The following UTRN variants were observed in gnomAD, a reference collection of about 807,000 sequenced individuals.
UTRN encodes dystrophin-related protein 1.
Under a neutral mutation model 463.9 loss-of-function variants are expected in UTRN, and 283 were observed. The observed-to-expected ratio is 0.61, with a 90% confidence interval of 0.55 to 0.67. UTRN has a LOEUF of 0.67. Ranked by LOEUF, UTRN falls within the 30% of genes least tolerant of loss-of-function variation. UTRN has a pLI of 0.00. For missense variants in UTRN, 3,922 were observed against 4,084.3 expected (o/e 0.96, Z 1.08); for synonymous variants, 1,442 against 1,431.5 (o/e 1.01, Z -0.17).
intron 74 of UTRN, 93 bp downstream of exon 74, chr6:144,846,920 C>A (rs548897131): frequency 2.5e-5 from 38 of 1,507,944 alleles, no homozygotes; most frequent in Non-Finnish European, 3.4e-5. Flanking sequence ...ACTTTATTCT[C>A]CATGTAAATA....
At chr6:144,617,279 G>T (rs1279498527) in intron 51 of UTRN, among the ~76,000 whole-genome samples, 1 of 152,136 alleles carries the variant, frequency 6.6e-6, no homozygotes, top group Non-Finnish European at 1.5e-5. Context: ...CAAATGATAT[G>T]TTTAGAAACA....
In UTRN at chr6:144,482,369, G is replaced by T; in HGVS notation, c.3668G>T (p.Gly1223Val). The change falls in exon 27 of 75, where the codon GGA (glycine) becomes GTA (valine). Residue 1223 changes from glycine to valine, a missense_variant. Coordinates refer to ENST00000367545, the MANE Select transcript of UTRN (RefSeq NM_007124.3). The stretch of plus-strand genomic sequence containing the variant: ...CAACTTCTTTGTAATAGAATTCGAG[G>T]AAAGTGCCACACGCTAGAGGTATGC... ...NYQLLCNRIRGKCHTLEEVWS... is the reference protein window; with the variant it reads ...NYQLLCNRIRVKCHTLEEVWS... The T allele has an allele frequency of 6.3e-7, 1 of 1,595,390 alleles. No homozygotes were observed. The highest frequency in any genetic ancestry group is 8.5e-7 in the Non-Finnish European group (1 of 1,174,850).
chr6:144,326,091 A>T (rs542944088), intron 2 of UTRN, among the ~76,000 whole-genome samples: 1 of 152,310 alleles, frequency 6.6e-6, no homozygotes, highest in Admixed American at 6.5e-5. Flanking sequence ...TAACAGAGGA[A>T]AGGGGATGCC....
rs760604326 is a variant in UTRN, at chr6:144,472,312, C to CTT, written c.3067-1394_3067-1393dup. Among the ~76,000 whole-genome samples the CTT allele has an allele frequency of 4.1e-3, 550 of 135,022 alleles. 3 individuals carry two copies. Among genetic ancestry groups the CTT allele is most frequent in the African/African-American group, 0.014 (529 of 37,116 alleles). 88.6% of individuals were successfully genotyped at this position (135,022 alleles called of 152,430 possible). A position where few individuals can be genotyped will look rare whatever the true frequency, so the allele number is the denominator to read the frequency against. On this transcript the variant is annotated intron_variant, in intron 23 of 74. Transcript: ENST00000367545. ...TTTCCTTTAAGTACTACTTTCTTTT[C>CTT]TTTTTTTTTTTTTTTGGAGGAGGAA...
chr6:144,365,720 C>T (rs1170584109), intron 2 of UTRN, among the ~76,000 whole-genome samples: 1 of 152,084 alleles, frequency 6.6e-6, no homozygotes. Flanking sequence ...ATGATCATTT[C>T]GTTCATGGAA....
chr6:144,437,067 A>G (rs1426033066), intron 10 of UTRN, among the ~76,000 whole-genome samples: 1 of 151,262 alleles, frequency 6.6e-6, no homozygotes, highest in Non-Finnish European at 1.5e-5. Flanking sequence ...ATTCTCCTGC[A>G]TCAGCCTCCC....
intron 51 of UTRN, among the ~76,000 whole-genome samples, chr6:144,585,147 A>G (rs986519418): frequency 1.3e-5 from 2 of 152,252 alleles, no homozygotes; most frequent in African/African-American, 4.8e-5. Flanking sequence ...TGCTAATTCT[A>G]CCGCAAATAG....
At chr6:144,348,938 AAAAAAC>A (rs1777847465) in intron 2 of UTRN, among the ~76,000 whole-genome samples, 1 of 152,288 alleles carries the variant, frequency 6.6e-6, no homozygotes. Context: ...CCATCTCAAA[AAAAAAC>A]AAAAACAAAA....
intron 44 of UTRN, among the ~76,000 whole-genome samples, chr6:144,538,623 T>C (rs1273806926): frequency 1.3e-5 from 2 of 149,356 alleles, no homozygotes; most frequent in East Asian, 2.0e-4. Flanking sequence ...TGAGCCGAGA[T>C]CGTGCCACTG....
At chr6:144,340,475 G>C (rs1171492438) in intron 2 of UTRN, among the ~76,000 whole-genome samples, 2 of 152,186 alleles carry the variant, frequency 1.3e-5, no homozygotes, top group Non-Finnish European at 2.9e-5. Context: ...TCCGTGGAGA[G>C]AGGATTAGTT....
At chr6:144,764,320 G>C (rs1562878252) in intron 58 of UTRN, among the ~76,000 whole-genome samples, 1 of 152,118 alleles carries the variant, frequency 6.6e-6, no homozygotes, top group Non-Finnish European at 1.5e-5. Flanking sequence ...ATGTATTACT[G>C]GTGTCCTAGT....
intron 46 of UTRN, among the ~76,000 whole-genome samples, chr6:144,547,361 G>T (rs1449317884): frequency 1.3e-5 from 2 of 152,022 alleles, no homozygotes; most frequent in East Asian, 1.9e-4. Flanking sequence ...GTGCTCTTTG[G>T]AATTCTTAAC....
At position 144,679,551 on chromosome 6, in the gene UTRN, G is replaced by T. The variant is rs145454712; in HGVS notation, c.7652+973G>T. Among the ~76,000 whole-genome samples the T allele has an allele frequency of 2.1e-3, 327 of 152,172 alleles. 1 individual carries two copies. The highest frequency in any genetic ancestry group is 7.6e-3 in the African/African-American group (317 of 41,538). ...AACTACTCAGCCTCTTTGAGCCTTG[G>T]ATTATTTTATTTACAAAATCAGAAT... On this transcript the variant is annotated intron_variant, in intron 52 of 74. Transcript: ENST00000367545.
At chr6:144,417,651 A>G (rs1257795639) in intron 3 of UTRN, among the ~76,000 whole-genome samples, 1 of 152,192 alleles carries the variant, frequency 6.6e-6, no homozygotes, top group African/African-American at 2.4e-5. Context: ...AAATCAAAAG[A>G]AGAGTAATAT....
At chr6:144,450,024 C>T (rs927015060) in intron 17 of UTRN, among the ~76,000 whole-genome samples, 3 of 152,154 alleles carry the variant, frequency 2.0e-5, no homozygotes, top group African/African-American at 7.2e-5. Flanking sequence ...GTGATCGTGA[C>T]TCCTCTTGTT....
chr6:144,477,803 A>G (rs938530962), intron 25 of UTRN, among the ~76,000 whole-genome samples: 3 of 152,176 alleles, frequency 2.0e-5, no homozygotes, highest in African/African-American at 7.2e-5. Flanking sequence ...GGGGTTTTTG[A>G]GGAAATAGAA....
At chr6:144,828,621 GA>G in intron 68 of UTRN, among the ~76,000 whole-genome samples, 168 bp from the exon 69 acceptor site, 1 of 152,190 alleles carries the variant, frequency 6.6e-6, no homozygotes, top group Non-Finnish European at 1.5e-5. Flanking sequence ...AGTGGTGATA[GA>G]AAGGTAGCTC....
chr6:144,770,910 T>G (rs1793934753), intron 58 of UTRN, among the ~76,000 whole-genome samples: 1 of 152,086 alleles, frequency 6.6e-6, no homozygotes, highest in Non-Finnish European at 1.5e-5. Flanking sequence ...AGATTTGCAC[T>G]GAGGAAAGTT....
intron 2 of UTRN, among the ~76,000 whole-genome samples, chr6:144,367,334 TAAAA>T (rs10565161): frequency 2.0e-5 from 3 of 147,162 alleles, no homozygotes; most frequent in Admixed American, 6.8e-5. Flanking sequence ...AAGGATTTGT[TAAAA>T]AAAAAAAAAA....
Sources: allele counts gnomAD v4.1 joint callset (sites outside exome capture counted in the v4.1 genomes callset), GRCh38; gene constraint gnomAD v4.1.1; transcripts MANE v1.5; gene names NCBI Gene and HGNC (gene_info 2026-07-23, HGNC 2026-07-21).